Variants in PCDHA4 observed in about 807,000 individuals in gnomAD.
PCDHA4 encodes protocadherin alpha 4.
PCDHA4 carries 49 observed loss-of-function variants against 61.4 expected under a neutral mutation model. The ratio of observed to expected loss-of-function variants is 0.80; its 90% CI spans 0.63 to 1.01. The LOEUF is 1.01. PCDHA4 is among the 50% of genes least tolerant of loss of function. PCDHA4 has a pLI of 0.00. For synonymous variants in PCDHA4, 590 were observed against 550.3 expected (o/e 1.07, Z -1.01); for missense variants, 1,254 against 1,235.8 (o/e 1.01, Z -0.22).
intron 1 of PCDHA4, chr5:140,836,297 T>G (rs2150257087): frequency 1.2e-6 from 2 of 1,613,576 alleles, no homozygotes; most frequent in African/African-American, 1.3e-5. Context: ...GAGCCCTAGA[T>G]GAGACGGACG....
intron 1 of PCDHA4, among the ~76,000 whole-genome samples, chr5:140,960,384 A>G (rs1204813293): frequency 6.6e-6 from 1 of 152,198 alleles, no homozygotes. Flanking sequence ...GTGCCAAGAC[A>G]TTAGGATGCA....
In PCDHA4 at chr5:140,849,868, C is replaced by T. The variant is rs1554143431; in HGVS notation, c.2385+40296C>T. 16 of 1,598,490 alleles carry T rather than the reference C, an allele frequency of 1.0e-5. 1 individual carries two copies. In the Middle Eastern group the frequency reaches 6.8e-4, roughly 68 times the overall value. On this transcript the variant is annotated intron_variant, in intron 1 of 3. Transcript: ENST00000530339. ...GACAACGCACCAGCGTTCGCGCAGT[C>T]CGAGTACACGGTGTTCGTGAAGGAG...
At position 140,858,438 on chromosome 5, in the gene PCDHA4, TG is replaced by T; in HGVS notation, c.2385+48869del. ...ATTGGAGGGGACCACTCTAGGAAGG[TG>T]GGTTATTACGTTTTCATTTTCCTTT... On this transcript the variant is annotated intron_variant, in intron 1 of 3. Transcript: ENST00000530339. 1 of 1,540,928 alleles carries T rather than the reference TG, an allele frequency of 6.5e-7. No individual in the cohort carries two copies. The highest frequency in any genetic ancestry group is 8.8e-7 in the Non-Finnish European group (1 of 1,134,396).
chr5:140,969,040 A>G (rs1554231380), intron 1 of PCDHA4: 1 of 1,614,150 alleles, frequency 6.2e-7, no homozygotes. Context: ...AACTGTACAA[A>G]CAAGCCAACA....
intron 1 of PCDHA4, among the ~76,000 whole-genome samples, chr5:140,912,342 TA>T (rs1371454067): frequency 9.7e-5 from 12 of 123,478 alleles, no homozygotes; most frequent in African/African-American, 4.4e-4. Context: ...GTACACTAAG[TA>T]TTTTTTTTTT....
intron 1 of PCDHA4, chr5:140,876,877 C>T: frequency 6.2e-7 from 1 of 1,614,138 alleles, no homozygotes; most frequent in Non-Finnish European, 8.5e-7. Context: ...GGAGAACAAC[C>T]CGCCGGGCTG....
intron 1 of PCDHA4, chr5:140,858,710 T>C (rs2150436389): frequency 5.6e-6 from 3 of 537,418 alleles, no homozygotes; most frequent in South Asian, 5.1e-5. Flanking sequence ...ATATGTGATA[T>C]AGGTTGCAGT....
chr5:140,834,106 C>A, intron 1 of PCDHA4: 2 of 396,430 alleles, frequency 5.0e-6, no homozygotes, highest in Non-Finnish European at 4.5e-6. Context: ...GAAAAAAATT[C>A]AGAGTTTGAA....
intron 1 of PCDHA4, among the ~76,000 whole-genome samples, chr5:140,951,473 C>G (rs1009151700): frequency 1.3e-5 from 2 of 151,880 alleles, no homozygotes; most frequent in Non-Finnish European, 2.9e-5. Context: ...TTCTGGGGAG[C>G]CTTCAAGAAT....
At position 140,808,807 on chromosome 5, in the gene PCDHA4, C is replaced by T. The variant is rs7707144; in HGVS notation, c.1620C>T (p.Ala540=). ...LLQFQVTARD[A]GVPPLGSNVT... is the part of the protein sequence containing the mutation. ...AGTTTCAGGTGACCGCTCGCGATGC[C>T]GGCGTGCCACCTCTGGGCAGCAACG... is the stretch of plus-strand genomic sequence containing the variant. The change falls in exon 1 of 4, where the codon GCC becomes GCT. Residue 540 remains alanine (A), a synonymous_variant. Coordinates refer to ENST00000530339, the MANE Select transcript of PCDHA4 (RefSeq NM_018907.4). 12 of 1,612,656 alleles carry T rather than the reference C, an allele frequency of 7.4e-6. No homozygotes were observed. The highest frequency in any genetic ancestry group is 8.5e-6 in the Non-Finnish European group (10 of 1,179,868).
At chr5:140,833,630 C>T (rs1253718011) in intron 1 of PCDHA4, among the ~76,000 whole-genome samples, 1 of 152,092 alleles carries the variant, frequency 6.6e-6, no homozygotes, top group East Asian at 1.9e-4. Context: ...ATACTTCCTC[C>T]TCAAAAAGTT....
At chr5:140,828,535 A>G in intron 1 of PCDHA4, 1 of 1,614,248 alleles carries the variant, frequency 6.2e-7, no homozygotes, top group African/African-American at 1.3e-5. Context: ...CTAGGCTGCC[A>G]GATTCTGTGT....
chr5:140,864,323 T>C (rs2048419778), intron 1 of PCDHA4: 1 of 152,230 alleles, frequency 6.6e-6, no homozygotes, highest in Admixed American at 6.5e-5. Flanking sequence ...TTTAATATCA[T>C]AATTATTTGA....
chr5:140,821,753 C>T lies in PCDHA4; in HGVS notation c.2385+12181C>T, dbSNP rs2150110415. On this transcript the variant is annotated intron_variant, in intron 1 of 3. Transcript: ENST00000530339. The stretch of plus-strand genomic sequence containing the variant: ...CATTGTGTGGTGATGCAATAGAAAG[C>T]TCATAATTGGAACGAGATTGAGATG... The T allele has an allele frequency of 2.2e-3, 3,464 of 1,581,302 alleles. 58 individuals are homozygous for T. The African/African-American group carries it at 0.039, about 18-fold the overall frequency.
chr5:140,882,717 C>G (rs1311295002), intron 1 of PCDHA4: 1 of 1,614,102 alleles, frequency 6.2e-7, no homozygotes, highest in South Asian at 1.1e-5. Flanking sequence ...CCTCCGGAAA[C>G]TCGATTTCCA....
chr5:140,834,759 A>G (rs2150225728), intron 1 of PCDHA4: 8 of 1,614,036 alleles, frequency 5.0e-6, no homozygotes, highest in Non-Finnish European at 6.8e-6. Flanking sequence ...GGTGAAGGAC[A>G]TTAACGACAA....
intron 1 of PCDHA4, chr5:140,875,846 A>T: frequency 6.2e-7 from 1 of 1,614,176 alleles, no homozygotes. Context: ...GAGGTGAAGG[A>T]CATTAACGAC....
At chr5:140,968,644 G>C (rs1554230935) in intron 1 of PCDHA4, 3 of 1,614,046 alleles carry the variant, frequency 1.9e-6, no homozygotes, top group African/African-American at 2.7e-5. Context: ...ATCTAGCCCA[G>C]ACTTCTGACC....
intron 1 of PCDHA4, chr5:140,928,545 T>C: frequency 6.2e-7 from 1 of 1,614,220 alleles, no homozygotes; most frequent in Non-Finnish European, 8.5e-7. Flanking sequence ...GGAATGACAA[T>C]TATCCGGTTA....
Sources: gnomAD v4.1 joint callset for allele counts (sites outside exome capture counted in the v4.1 genomes callset) on GRCh38, gnomAD v4.1.1 for gene constraint, MANE v1.5 for transcripts, NCBI Gene and HGNC (gene_info 2026-07-23, HGNC 2026-07-21) for gene names.